The following SPRR4 variants were observed in gnomAD, a reference collection of about 807,000 sequenced individuals.
SPRR4 encodes the protein small proline-rich protein 4.
For missense variants in SPRR4, 106 were observed against 91.6 expected (o/e 1.16, Z -0.64); for synonymous variants, 30 against 34.3 (o/e 0.87, Z 0.44).
chr1:152,972,405 CATCCA>C lies in SPRR4; in HGVS notation c.*276_*280del. 1 of 480,568 alleles carries C rather than the reference CATCCA, an allele frequency of 2.1e-6. No individual in the cohort carries two copies. Among genetic ancestry groups the C allele is most frequent in the Non-Finnish European group, 3.9e-6 (1 of 259,432 alleles). 29.8% of individuals were successfully genotyped at this position (480,568 alleles called of 1,614,324 possible). ...CTCCAGCGTGGCCACAGCTAAGGCC[CATCCA>C]TTTCCCAAAGTGAGGAAAGTGTCTG... On this transcript the variant is annotated 3_prime_UTR_variant, in exon 2 of 2. Transcript: ENST00000328051.
chr1:152,971,913 G>GCAGCA lies in SPRR4; in HGVS notation c.23_24insCAGCA (p.Gln9SerfsTer17), dbSNP rs780393306. ...GCAATGTCTTCCCAGCAGCAGCAGC[G>GCAGCA]GCAGCAGCAGCAGTGCCCACCCCAG... is the stretch of plus-strand genomic sequence containing the variant. On this transcript the variant is annotated frameshift_variant, in exon 2 of 2. Coordinates refer to ENST00000328051, the MANE Select transcript of SPRR4 (RefSeq NM_173080.3). LOFTEE classifies it low-confidence loss of function (END_TRUNC). 6.2e-7 allele frequency: 1 copy of GCAGCA among 1,613,712 alleles called. No individual in the cohort carries two copies. The highest frequency in any genetic ancestry group is 1.3e-5 in the African/African-American group (1 of 74,820).
chr1:152,970,877 G>T, intron 1 of SPRR4, among the ~76,000 whole-genome samples, 183 bp downstream of exon 1: 1 of 152,214 alleles, frequency 6.6e-6, no homozygotes, highest in Non-Finnish European at 1.5e-5. Context: ...TCTCCATTCC[G>T]CACCATTGCT....
chr1:152,971,614 T>TCA (rs895844382), intron 1 of SPRR4, among the ~76,000 whole-genome samples: 9 of 120,374 alleles, frequency 7.5e-5, no homozygotes, highest in Non-Finnish European at 1.3e-4. Flanking sequence ...ACACACACAC[T>TCA]CACACACACA....
At chr1:152,969,211 C>T (rs1018794329), upstream of SPRR4, among the ~76,000 whole-genome samples, 5 of 152,160 alleles carry the variant, frequency 3.3e-5, no homozygotes, top group African/African-American at 1.2e-4. Flanking sequence ...ATGGTCCCCA[C>T]CCAATGACAG....
chr1:152,969,856 C>A (rs1651780010), upstream of SPRR4, among the ~76,000 whole-genome samples: 1 of 152,204 alleles, frequency 6.6e-6, no homozygotes, highest in Admixed American at 6.5e-5. Context: ...CCAATTCTAT[C>A]CCATGTTCTG....
At chr1:152,971,154 G>A (rs1011861228) in intron 1 of SPRR4, among the ~76,000 whole-genome samples, 1 of 151,988 alleles carries the variant, frequency 6.6e-6, no homozygotes, top group Non-Finnish European at 1.5e-5. Context: ...ACTTCCTGAG[G>A]CCTGCACTTC....
chr1:152,969,524 G>T (rs1651770405), upstream of SPRR4, among the ~76,000 whole-genome samples: 1 of 152,170 alleles, frequency 6.6e-6, no homozygotes, highest in African/African-American at 2.4e-5. Context: ...AGCATCCTGA[G>T]GTCGATCTTT....
upstream of SPRR4, among the ~76,000 whole-genome samples, chr1:152,969,331 C>T (rs1222228023): frequency 2.6e-5 from 4 of 152,180 alleles, no homozygotes; most frequent in African/African-American, 9.6e-5. Context: ...TGAGCAGGTC[C>T]TTTAACTTCT....
At position 152,971,932 on chromosome 1, in the gene SPRR4, A is replaced by AC; in HGVS notation, c.46dup (p.Gln16ProfsTer18). On this transcript the variant is annotated frameshift_variant, in exon 2 of 2. Transcript: ENST00000328051. LOFTEE classifies it low-confidence loss of function (END_TRUNC). The stretch of plus-strand genomic sequence containing the variant: ...AGCAGCGGCAGCAGCAGCAGTGCCC[A>AC]CCCCAGAGGGCCCAGCAGCAGCAAG... The AC allele has an allele frequency of 1.2e-6, 2 of 1,613,652 alleles. No homozygotes were observed. Among genetic ancestry groups the AC allele is most frequent in the Non-Finnish European group, 1.7e-6 (2 of 1,179,982 alleles).
chr1:152,968,832 G>T (rs1266585169), upstream of SPRR4, among the ~76,000 whole-genome samples: 2 of 152,246 alleles, frequency 1.3e-5, no homozygotes, highest in African/African-American at 4.8e-5. Context: ...TCTGTTCACA[G>T]GCAATACACA....
upstream of SPRR4, among the ~76,000 whole-genome samples, chr1:152,969,452 G>T (rs1490223574): frequency 6.6e-6 from 1 of 152,174 alleles, no homozygotes; most frequent in African/African-American, 2.4e-5. Context: ...CATTTCTCAG[G>T]CCATCCTACC....
chr1:152,971,576 TCTCACA>T (rs1302172491), intron 1 of SPRR4, among the ~76,000 whole-genome samples: 1,203 of 112,124 alleles, frequency 0.011, 10 homozygotes, highest in African/African-American at 0.039. Flanking sequence ...CAGCCCGATC[TCTCACA>T]CACACACACA....
upstream of SPRR4, among the ~76,000 whole-genome samples, chr1:152,968,952 C>G (rs987263210): frequency 6.6e-6 from 1 of 152,094 alleles, no homozygotes; most frequent in African/African-American, 2.4e-5. Context: ...AGCAAGAGCA[C>G]AGAGGACTGG....
chr1:152,971,263 C>A (rs187777573), intron 1 of SPRR4, among the ~76,000 whole-genome samples: 16 of 152,214 alleles, frequency 1.1e-4, no homozygotes, highest in Admixed American at 9.2e-4. Context: ...ACTTCCTGAC[C>A]AGCATCCTTC....
rs753604915 is a variant in SPRR4 at position 152,972,131 on chromosome 1, G to A, written c.*1G>A. On this transcript the variant is annotated 3_prime_UTR_variant, in exon 2 of 2. Transcript: ENST00000328051. ...AGCCTCCAAGAGCAAACAGAAGTAA[G>A]GATGGACTGGATATTACCATCATCC... 1 of 1,613,940 alleles carries A rather than the reference G, an allele frequency of 6.2e-7. No individual in the cohort carries two copies. Among genetic ancestry groups the A allele is most frequent in the Non-Finnish European group, 8.5e-7 (1 of 1,179,968 alleles).
In SPRR4 at chr1:152,971,805, A is replaced by T. The variant is rs980491569; in HGVS notation, c.-20-66A>T. ...TGGGCTACTTTTTAACCATCTTTTT[A>T]AAAAGGGTGTTAAAAGGCTACTTTT... On this transcript the variant is annotated intron_variant, in intron 1 of 1. Coordinates refer to ENST00000328051, the MANE Select transcript of SPRR4 (RefSeq NM_173080.3). The T allele has an allele frequency of 1.9e-6, 3 of 1,550,462 alleles. No individual in the cohort carries two copies. In the African/African-American group the frequency reaches 4.1e-5, roughly 21 times the overall value.
At chr1:152,970,867 T>C (rs1426819265) in intron 1 of SPRR4, among the ~76,000 whole-genome samples, 173 bp downstream of exon 1, 1 of 152,184 alleles carries the variant, frequency 6.6e-6, no homozygotes, top group African/African-American at 2.4e-5. Context: ...GAAAGTTTAA[T>C]CTCCATTCCG....
In SPRR4 at chr1:152,971,864, C is replaced by T; in HGVS notation, c.-20-7C>T. 6.2e-7 allele frequency: 1 copy of T among 1,613,614 alleles called. No homozygotes were observed. The highest frequency in any genetic ancestry group is 8.5e-7 in the Non-Finnish European group (1 of 1,179,762). On this transcript the variant is annotated splice_polypyrimidine_tract_variant and splice_region_variant and intron_variant, in intron 1 of 1. Transcript: ENST00000328051. ...TTCTCATGGTGTCCCTGCCCGGTTT[C>T]CTTTAGGCTCACCTGTTCCTAGAGC...
At chr1:152,970,098 A>G (rs1034207740), upstream of SPRR4, among the ~76,000 whole-genome samples, 2 of 152,206 alleles carry the variant, frequency 1.3e-5, no homozygotes, top group Admixed American at 1.3e-4. Flanking sequence ...TCTGAATTCA[A>G]ATCCCATCTC....
Sources: allele counts gnomAD v4.1 joint callset (sites outside exome capture counted in the v4.1 genomes callset), GRCh38; gene constraint gnomAD v4.1.1; transcripts MANE v1.5; gene names NCBI Gene and HGNC (gene_info 2026-07-23, HGNC 2026-07-21).